The following RASAL2 variants were observed in gnomAD, a reference collection of about 807,000 sequenced individuals.
The protein encoded by RASAL2 is ras GTPase-activating protein nGAP.
A neutral mutation model predicts 128.9 loss-of-function variants in RASAL2; 58 were observed. The observed-to-expected ratio is 0.45, with a 90% CI of 0.36 to 0.56. The LOEUF is 0.56. RASAL2 is among the 20% of genes least tolerant of loss of function. The probability of loss-of-function intolerance (pLI) is 0.00; values close to 1 mark genes in which losing one functional copy is unlikely to be tolerated. For missense variants in RASAL2, 1,360 were observed against 1,601.6 expected (o/e 0.85, Z 2.57); for synonymous variants, 561 against 580.8 (o/e 0.97, Z 0.49).
chr1:178,248,971 A>AT (rs1664914883), intron 1 of RASAL2, among the ~76,000 whole-genome samples: 1 of 151,828 alleles, frequency 6.6e-6, no homozygotes, highest in Admixed American at 6.6e-5. Context: ...TGCCCTTAAC[A>AT]TTTTTTCCTT....
chr1:178,192,322 CAA>C (rs1443022082), intron 1 of RASAL2, among the ~76,000 whole-genome samples: 1 of 151,852 alleles, frequency 6.6e-6, no homozygotes, highest in Non-Finnish European at 1.5e-5. Context: ...TTGGAGAGTA[CAA>C]AGAGAAATGC....
At chr1:178,219,638 A>G (rs2102000501) in intron 1 of RASAL2, among the ~76,000 whole-genome samples, 1 of 151,768 alleles carries the variant, frequency 6.6e-6, no homozygotes, top group Non-Finnish European at 1.5e-5. Context: ...TCAGGAAAAA[A>G]AAAAAAAAAG....
At chr1:178,309,009 TATAAA>T (rs972752465) in intron 3 of RASAL2, among the ~76,000 whole-genome samples, 1 of 152,114 alleles carries the variant, frequency 6.6e-6, no homozygotes, top group African/African-American at 2.4e-5. Flanking sequence ...TTCTTTCCTT[TATAAA>T]ATAGAGTAAA....
At chr1:178,345,454 C>T (rs1171107333) in intron 3 of RASAL2, among the ~76,000 whole-genome samples, 1 of 152,068 alleles carries the variant, frequency 6.6e-6, no homozygotes, top group Non-Finnish European at 1.5e-5. Flanking sequence ...AATCCAATTC[C>T]AAAGATTACG....
At chr1:178,457,614 T>C (rs1298355559) in intron 13 of RASAL2, 69 bp from the exon 14 acceptor site, 1 of 1,529,852 alleles carries the variant, frequency 6.5e-7, no homozygotes. Context: ...TTCATATGCC[T>C]GAATTGAGGC....
At chr1:178,371,485 T>G (rs1056195495) in intron 3 of RASAL2, among the ~76,000 whole-genome samples, 1 of 152,092 alleles carries the variant, frequency 6.6e-6, no homozygotes, top group Non-Finnish European at 1.5e-5. Context: ...TGTAATATCC[T>G]TAATGTTGCT....
Position 178,458,199 on chromosome 1 carries a change from T to C in RASAL2, c.2907T>C (p.Asn969=), listed in dbSNP as rs1300568755. ...ACTTCAAGCTCAGTGGACCCAGCAA[T>C]AGCAGCATGGAAGATTTCACTAAAC... is the stretch of plus-strand genomic sequence containing the variant. ...SEDFKLSGPS[N]SSMEDFTKRS... The change falls in exon 14 of 18, where the codon AAT becomes AAC. Residue 969 remains asparagine, a synonymous_variant. Transcript: ENST00000367649. 1.9e-6 allele frequency: 3 copies of C among 1,614,194 alleles called. No individual in the cohort carries two copies. The highest frequency in any genetic ancestry group is 2.5e-6 in the Non-Finnish European group (3 of 1,180,042).
chr1:178,417,103 T>A (rs1204686771), intron 4 of RASAL2, among the ~76,000 whole-genome samples: 1 of 152,090 alleles, frequency 6.6e-6, no homozygotes, highest in Non-Finnish European at 1.5e-5. Context: ...TTTCTATTTC[T>A]TTCTCTTTTC....
intron 5 of RASAL2, among the ~76,000 whole-genome samples, chr1:178,428,558 C>A (rs779031696): frequency 1.4e-4 from 21 of 151,268 alleles, no homozygotes; most frequent in Non-Finnish European, 2.7e-4. Flanking sequence ...TATTGATGTT[C>A]TCTCTATATA....
chr1:178,180,819 T>TA lies in RASAL2; in HGVS notation c.202+86136dup, dbSNP rs1283564801. Reference sequence around the variant, plus strand: ...AATAATCCTGAAAAGTTACTTTACTTAAAAAAAAAAACCCACAATTTATTC... The same window carrying TA: ...AATAATCCTGAAAAGTTACTTTACTTAAAAAAAAAAAACCCACAATTTATTC... On this transcript the variant is annotated intron_variant, in intron 1 of 17. Transcript: ENST00000367649. 1.9e-3 allele frequency among the ~76,000 whole-genome samples: 280 copies of TA among 148,692 alleles called. 3 individuals are homozygous for TA. Among genetic ancestry groups the TA allele is most frequent in the East Asian group, 6.1e-3 (31 of 5,082 alleles).
chr1:178,145,250 G>A (rs541262606), intron 1 of RASAL2, among the ~76,000 whole-genome samples: 1 of 152,198 alleles, frequency 6.6e-6, no homozygotes, highest in South Asian at 2.1e-4. Context: ...ATTTGGGACT[G>A]TAAAATCTTC....
intron 4 of RASAL2, among the ~76,000 whole-genome samples, chr1:178,407,157 A>G (rs1291527000): frequency 6.6e-6 from 1 of 152,194 alleles, no homozygotes; most frequent in East Asian, 1.9e-4. Context: ...TAAACTACCC[A>G]TACTACAACT....
chr1:178,441,609 T>C lies in RASAL2; in HGVS notation c.889T>C (p.Trp297Arg). 6.2e-7 allele frequency: 1 copy of C among 1,612,688 alleles called. No individual in the cohort carries two copies. Among genetic ancestry groups the C allele is most frequent in the Non-Finnish European group, 8.5e-7 (1 of 1,179,162 alleles). ...SCNSASERDK[W>R]MENLRRTVQP... ...TAATTCTGCTTCTGAGAGAGACAAGTGGATGGAAAACCTTCGCAGGACAGT... is the reference window on the plus strand; with the variant it reads ...TAATTCTGCTTCTGAGAGAGACAAGCGGATGGAAAACCTTCGCAGGACAGT... Residue 297 changes from tryptophan to arginine, a missense_variant, in exon 7 of 18, where the codon TGG becomes CGG. Coordinates refer to ENST00000367649, the MANE Select transcript of RASAL2 (RefSeq NM_170692.4).
chr1:178,173,182 G>A (rs576931483), intron 1 of RASAL2, among the ~76,000 whole-genome samples: 4 of 152,194 alleles, frequency 2.6e-5, no homozygotes, highest in East Asian at 3.9e-4. Flanking sequence ...TCTAGTTACT[G>A]TAGTAACCAA....
chr1:178,154,832 T>TAA (rs1661029143), intron 1 of RASAL2, among the ~76,000 whole-genome samples: 2 of 151,982 alleles, frequency 1.3e-5, no homozygotes, highest in Non-Finnish European at 2.9e-5. Flanking sequence ...ATAATAATAA[T>TAA]TATTTTTTGA....
intron 1 of RASAL2, among the ~76,000 whole-genome samples, chr1:178,114,158 G>A (rs1040688715): frequency 6.6e-6 from 1 of 151,330 alleles, no homozygotes; most frequent in Non-Finnish European, 1.5e-5. Context: ...ACTTCTTTTT[G>A]TAATCAGGAT....
chr1:178,152,268 G>T (rs1660937837), intron 1 of RASAL2, among the ~76,000 whole-genome samples: 1 of 152,108 alleles, frequency 6.6e-6, no homozygotes, highest in South Asian at 2.1e-4. Context: ...TGGGAGGGTG[G>T]TTCACATGGA....
Position 178,290,833 on chromosome 1 carries a change from G to A in RASAL2, c.330+7142G>A, listed in dbSNP as rs192370853. 6.6e-3 allele frequency among the ~76,000 whole-genome samples: 992 copies of A among 149,724 alleles called. 3 individuals carry two copies. Among genetic ancestry groups the A allele is most frequent in the South Asian group, 0.025 (118 of 4,648 alleles). ...TGGGACTACAGGCGCCCACCACCAC[G>A]CACGGCTAATTTTTTTGTATTTTTA... On this transcript the variant is annotated intron_variant, in intron 2 of 17. Transcript: ENST00000367649.
At chr1:178,140,015 T>G (rs1428768922) in intron 1 of RASAL2, among the ~76,000 whole-genome samples, 1 of 152,150 alleles carries the variant, frequency 6.6e-6, no homozygotes, top group Non-Finnish European at 1.5e-5. Context: ...AAAGAACTTG[T>G]CACCTTATTG....
Sources: gnomAD v4.1 joint callset for allele counts (sites outside exome capture counted in the v4.1 genomes callset) on GRCh38, gnomAD v4.1.1 for gene constraint, MANE v1.5 for transcripts, NCBI Gene and HGNC (gene_info 2026-07-23, HGNC 2026-07-21) for gene names.